The following ANKRD45 variants were observed in gnomAD, a reference collection of about 807,000 sequenced individuals.
ANKRD45 encodes the protein ankyrin repeat domain 45, also known as ankyrin repeat domain-containing protein 45.
ANKRD45 carries 21 observed loss-of-function variants against 28.1 expected under a neutral mutation model. The observed-to-expected ratio is 0.75, with a 90% CI of 0.53 to 1.08. The LOEUF is 1.08. Among genes scored for constraint, ANKRD45 ranks in the 50% least tolerant of loss-of-function variants. ANKRD45 has a pLI of 0.00. For missense variants in ANKRD45, 261 were observed against 308.7 expected, an observed-to-expected ratio of 0.85 and a Z score of 1.16; for synonymous variants, 86 against 103.9, an observed-to-expected ratio of 0.83 and a Z score of 1.05.
chr1:173,656,230 A>G (rs1669505571), intron 2 of ANKRD45, among the ~76,000 whole-genome samples: 1 of 152,198 alleles, frequency 6.6e-6, no homozygotes, highest in Non-Finnish European at 1.5e-5. Context: ...CTATTTGGCC[A>G]TCTTGTAATG....
At position 173,608,494 on chromosome 1, in the gene ANKRD45, T is replaced by G. The variant is rs534263818; in HGVS notation, c.*1651A>C. 6.6e-6 allele frequency among the ~76,000 whole-genome samples: 1 copy of G among 152,046 alleles called. No individual in the cohort carries two copies. Among genetic ancestry groups the G allele is most frequent in the East Asian group, 2.0e-4 (1 of 5,100 alleles). ...CACCACATACAGCTAAATTTTTGTA[T>G]TTTTAGTAGAGACAGGGTTTCACCA... On this transcript the variant is annotated 3_prime_UTR_variant, in exon 6 of 6. Coordinates refer to ENST00000333279, the MANE Select transcript of ANKRD45 (RefSeq NM_198493.3).
At chr1:173,636,731 A>T in intron 3 of ANKRD45, 1 of 862,616 alleles carries the variant, frequency 1.2e-6, no homozygotes. Flanking sequence ...CATATTTAGA[A>T]CATAAATTTA....
chr1:173,644,861 C>T (rs1341205634), intron 3 of ANKRD45, among the ~76,000 whole-genome samples: 1 of 151,968 alleles, frequency 6.6e-6, no homozygotes, highest in Non-Finnish European at 1.5e-5. Context: ...GCCATAGTGG[C>T]ACATGCCTGT....
upstream of ANKRD45, among the ~76,000 whole-genome samples, chr1:173,672,687 G>T (rs1458474448): frequency 2.0e-5 from 3 of 152,202 alleles, no homozygotes; most frequent in African/African-American, 7.2e-5. Context: ...AGAAACAGCT[G>T]CGTGATGCAC....
the ANKRD45 span, among the ~76,000 whole-genome samples, chr1:173,705,072 C>G: frequency 2.6e-5 from 4 of 152,276 alleles, no homozygotes; most frequent in East Asian, 1.9e-4. Context: ...GGTCAGGCCA[C>G]TCTTTTTCAG....
chr1:173,714,352 T>C, the ANKRD45 span, among the ~76,000 whole-genome samples: 1 of 152,222 alleles, frequency 6.6e-6, no homozygotes, highest in Admixed American at 6.5e-5. Flanking sequence ...AAATATACTC[T>C]TCCCTCCTTA....
At chr1:173,641,613 G>T (rs555678576) in intron 3 of ANKRD45, among the ~76,000 whole-genome samples, 25 of 152,298 alleles carry the variant, frequency 1.6e-4, no homozygotes, top group African/African-American at 6.0e-4. Flanking sequence ...TGGACACTCT[G>T]CCTTATAATT....
the ANKRD45 span, among the ~76,000 whole-genome samples, chr1:173,681,701 A>G: frequency 1.4e-4 from 22 of 152,202 alleles, no homozygotes; most frequent in Non-Finnish European, 2.2e-4. Flanking sequence ...TCAAATAGAA[A>G]AATTTACATC....
chr1:173,663,227 T>G (rs1669863277), intron 1 of ANKRD45, among the ~76,000 whole-genome samples: 1 of 152,146 alleles, frequency 6.6e-6, no homozygotes, highest in African/African-American at 2.4e-5. Context: ...GGCACATTAT[T>G]TAAGCTCAGC....
intron 5 of ANKRD45, among the ~76,000 whole-genome samples, chr1:173,611,576 TACACACAC>T (rs57884253): frequency 0.12 from 16,115 of 133,932 alleles, 2,811 homozygotes; most frequent in African/African-American, 0.38. Flanking sequence ...AATACATACA[TACACACAC>T]ACACACACAC....
At chr1:173,663,392 C>A (rs952713209) in intron 1 of ANKRD45, among the ~76,000 whole-genome samples, 1 of 152,164 alleles carries the variant, frequency 6.6e-6, no homozygotes, top group African/African-American at 2.4e-5. Context: ...TCTGATCCTC[C>A]ACAGTTCCCT....
At chr1:173,706,086 C>G in the ANKRD45 span, among the ~76,000 whole-genome samples, 487 of 152,038 alleles carry the variant, frequency 3.2e-3, 2 homozygotes, top group African/African-American at 0.011. Context: ...GGGTGGATCA[C>G]AAGGTCAGGA....
upstream of ANKRD45, among the ~76,000 whole-genome samples, chr1:173,671,230 C>G (rs1670245677): frequency 6.6e-6 from 1 of 152,010 alleles, no homozygotes; most frequent in Non-Finnish European, 1.5e-5. Context: ...ATCACTCTTC[C>G]CAGATGTCTG....
At chr1:173,681,905 C>T in the ANKRD45 span, among the ~76,000 whole-genome samples, 1 of 152,000 alleles carries the variant, frequency 6.6e-6, no homozygotes, top group Admixed American at 6.6e-5. Flanking sequence ...CAAAAATTAG[C>T]TGGGCATGGT....
At chr1:173,620,826 C>G (rs1667669442) in intron 5 of ANKRD45, among the ~76,000 whole-genome samples, 1 of 150,596 alleles carries the variant, frequency 6.6e-6, no homozygotes, top group Non-Finnish European at 1.5e-5. Context: ...TTGAAGGAGA[C>G]AGAGACACAA....
chr1:173,689,083 G>A, the ANKRD45 span, among the ~76,000 whole-genome samples: 1 of 152,106 alleles, frequency 6.6e-6, no homozygotes, highest in African/African-American at 2.4e-5. Flanking sequence ...AAAAGACAGA[G>A]CCCCTGACCC....
the ANKRD45 span, among the ~76,000 whole-genome samples, chr1:173,710,272 G>C: frequency 6.6e-6 from 1 of 152,214 alleles, no homozygotes; most frequent in South Asian, 2.1e-4. Context: ...GTCTGCAGCA[G>C]CCTCAATTCT....
chr1:173,636,697 TG>T (rs1558128955), intron 3 of ANKRD45: 1 of 680,058 alleles, frequency 1.5e-6, no homozygotes, highest in Non-Finnish European at 2.4e-6. Flanking sequence ...AATTGATGTG[TG>T]CTGTTTTAAT....
At chr1:173,637,758 C>G (rs1571729681) in intron 3 of ANKRD45, among the ~76,000 whole-genome samples, 1 of 152,348 alleles carries the variant, frequency 6.6e-6, no homozygotes, top group African/African-American at 2.4e-5. Flanking sequence ...AGAAAGTAAA[C>G]TAGCCTTGCT....
Sources: gnomAD v4.1 joint callset for allele counts (sites outside exome capture counted in the v4.1 genomes callset) on GRCh38, gnomAD v4.1.1 for gene constraint, MANE v1.5 for transcripts, NCBI Gene and HGNC (gene_info 2026-07-23, HGNC 2026-07-21) for gene names.